Variants in UTRN observed in about 807,000 individuals in gnomAD.
UTRN encodes the protein utrophin.
Under a neutral mutation model 463.9 loss-of-function variants are expected in UTRN, and 283 were observed. The observed-to-expected ratio is 0.61, with a 90% CI of 0.55 to 0.67. The LOEUF (loss-of-function observed/expected upper bound fraction) is 0.67, where lower values mean the gene tolerates loss of function less well. Among genes scored for constraint, UTRN ranks in the 30% least tolerant of loss-of-function variants. The pLI is 0.00. For synonymous variants in UTRN, 1,442 were observed against 1,431.5 expected (o/e 1.01, Z -0.17); for missense variants, 3,922 against 4,084.3 (o/e 0.96, Z 1.08).
chr6:144,393,995 T>C (rs181063277), intron 2 of UTRN, among the ~76,000 whole-genome samples: 2,333 of 152,292 alleles, frequency 0.015, 40 homozygotes, highest in South Asian at 0.088. Context: ...CTTTAATGTA[T>C]GTGGATTGCT....
chr6:144,504,807 T>G (rs1348464478), intron 34 of UTRN, among the ~76,000 whole-genome samples: 2 of 152,206 alleles, frequency 1.3e-5, no homozygotes, highest in African/African-American at 2.4e-5. Flanking sequence ...TCTCTTTCTA[T>G]TGTTTGGAAT....
chr6:144,449,020 G>A (rs867164107), intron 17 of UTRN, among the ~76,000 whole-genome samples: 11 of 152,066 alleles, frequency 7.2e-5, no homozygotes, highest in African/African-American at 2.4e-4. Flanking sequence ...CTTTGTGATC[G>A]AAGCTTTCTT....
intron 33 of UTRN, among the ~76,000 whole-genome samples, chr6:144,495,449 G>A (rs1248486041): frequency 6.6e-6 from 1 of 152,246 alleles, no homozygotes; most frequent in Non-Finnish European, 1.5e-5. Flanking sequence ...CGAGTGCGGG[G>A]CCCGCCAAGC....
At chr6:144,685,341 C>T (rs775205747) in intron 52 of UTRN, among the ~76,000 whole-genome samples, 15 of 152,094 alleles carry the variant, frequency 9.9e-5, no homozygotes, top group East Asian at 1.9e-4. Flanking sequence ...GATAAACATA[C>T]GAGTGCCAGT....
intron 65 of UTRN, among the ~76,000 whole-genome samples, chr6:144,812,916 T>A (rs980226980): frequency 2.0e-5 from 3 of 152,198 alleles, no homozygotes; most frequent in African/African-American, 7.2e-5. Flanking sequence ...GTTTTACGGC[T>A]ACTTAATAGC....
intron 52 of UTRN, among the ~76,000 whole-genome samples, chr6:144,687,624 G>GT (rs976383926): frequency 3.9e-5 from 6 of 152,018 alleles, no homozygotes; most frequent in Non-Finnish European, 7.4e-5. Flanking sequence ...TTGGCTGACG[G>GT]TTTTTTCTGT....
At chr6:144,561,058 C>G (rs887662066) in intron 50 of UTRN, among the ~76,000 whole-genome samples, 2 of 150,852 alleles carry the variant, frequency 1.3e-5, no homozygotes, top group African/African-American at 2.4e-5. Context: ...CCTTCCATCT[C>G]TTAATGCTAA....
At chr6:144,833,462 C>T (rs1780841501) in intron 69 of UTRN, among the ~76,000 whole-genome samples, 2 of 152,114 alleles carry the variant, frequency 1.3e-5, no homozygotes, top group Non-Finnish European at 2.9e-5. Context: ...AGACATTTTC[C>T]AGGGATACAT....
At chr6:144,561,355 CAT>C (rs1167771569) in intron 50 of UTRN, among the ~76,000 whole-genome samples, 1 of 148,728 alleles carries the variant, frequency 6.7e-6, no homozygotes, top group Non-Finnish European at 1.5e-5. Flanking sequence ...TATACACACA[CAT>C]ATAACTGTGT....
intron 52 of UTRN, among the ~76,000 whole-genome samples, chr6:144,697,277 A>G (rs913053020): frequency 2.0e-5 from 3 of 152,162 alleles, no homozygotes; most frequent in Non-Finnish European, 4.4e-5. Context: ...ATGCCCACAG[A>G]TATGTTTGAT....
rs963666533 is a variant in UTRN, at chr6:144,748,299, T to G, written c.7993T>G (p.Ser2665Ala). 1.2e-6 allele frequency: 2 copies of G among 1,613,228 alleles called. No homozygotes were observed. The highest frequency in any genetic ancestry group is 2.2e-5 in the East Asian group (1 of 44,784). The change falls in exon 55 of 75, where the codon TCT becomes GCT. Residue 2665 changes from serine to alanine, a missense_variant. Coordinates refer to ENST00000367545, the MANE Select transcript of UTRN (RefSeq NM_007124.3). ...QKIAKAMRKQSSEVKEKWESL... is the reference protein window; with the variant it reads ...QKIAKAMRKQASEVKEKWESL... The stretch of plus-strand genomic sequence containing the variant: ...GATTGCCAAAGCCATGCGCAAACAG[T>G]CTTCTGAAGTCAAAGAAAAATGGGA...
intron 25 of UTRN, 111 bp downstream of exon 25, chr6:144,474,870 A>G: frequency 1.6e-6 from 2 of 1,283,932 alleles, no homozygotes; most frequent in Admixed American, 4.9e-5. Flanking sequence ...ATGGTCTAGA[A>G]TAACTCCAGC....
At chr6:144,385,001 G>A (rs1367015043) in intron 2 of UTRN, among the ~76,000 whole-genome samples, 1 of 152,200 alleles carries the variant, frequency 6.6e-6, no homozygotes. Flanking sequence ...TATCTTGAGG[G>A]AAATGCTAAA....
Position 144,819,754 on chromosome 6 carries a change from T to A in UTRN, c.9358-1128T>A, listed in dbSNP as rs17054126. Among the ~76,000 whole-genome samples, 63 of 152,264 alleles carry A rather than the reference T, an allele frequency of 4.1e-4. No homozygotes were observed. In the East Asian group the frequency reaches 0.011, roughly 27 times the overall value. On this transcript the variant is annotated intron_variant, in intron 65 of 74. Transcript: ENST00000367545. ...TTCTGTGAGTCCTGGGCATGCATGT[T>A]GTGAAGGAAAAGCTGAAGGGCAGGG...
chr6:144,388,803 G>A (rs1360521875), intron 2 of UTRN, among the ~76,000 whole-genome samples: 1 of 152,038 alleles, frequency 6.6e-6, no homozygotes, highest in Non-Finnish European at 1.5e-5. Context: ...TGCCCTACCC[G>A]CTAGTATCCT....
intron 2 of UTRN, among the ~76,000 whole-genome samples, chr6:144,330,341 A>C (rs1776249636): frequency 2.0e-5 from 3 of 152,148 alleles, no homozygotes; most frequent in Admixed American, 2.0e-4. Flanking sequence ...TTGAAGGGGC[A>C]TGGTTTACCT....
chr6:144,669,093 A>G (rs977190581), intron 51 of UTRN, among the ~76,000 whole-genome samples: 1 of 152,192 alleles, frequency 6.6e-6, no homozygotes, highest in South Asian at 2.1e-4. Context: ...TGCCAGAGTT[A>G]GCTACAATTA....
intron 26 of UTRN, 90 bp from the exon 27 acceptor site, chr6:144,482,119 G>C: frequency 1.7e-6 from 2 of 1,211,138 alleles, no homozygotes; most frequent in East Asian, 2.7e-5. Flanking sequence ...TTTAACTTTG[G>C]TTTAATTCTT....
intron 61 of UTRN, among the ~76,000 whole-genome samples, chr6:144,782,965 G>A (rs547451371): frequency 6.6e-6 from 1 of 151,578 alleles, no homozygotes; most frequent in Non-Finnish European, 1.5e-5. Flanking sequence ...GGTGGCCGAG[G>A]TGGGTGGATC....
Sources: allele counts gnomAD v4.1 joint callset (sites outside exome capture counted in the v4.1 genomes callset), GRCh38; gene constraint gnomAD v4.1.1; transcripts MANE v1.5; gene names NCBI Gene and HGNC (gene_info 2026-07-23, HGNC 2026-07-21).